The following PLEKHM2 variants were observed in gnomAD, a reference collection of about 807,000 sequenced individuals.
The protein encoded by PLEKHM2 is pleckstrin homology domain-containing family M member 2.
Under a neutral mutation model 116.3 loss-of-function variants are expected in PLEKHM2, and 77 were observed. That is an observed-to-expected ratio of 0.66 (90% CI 0.55 to 0.80). The LOEUF (loss-of-function observed/expected upper bound fraction) is 0.80. PLEKHM2 is among the 30% of genes least tolerant of loss of function. The probability of loss-of-function intolerance (pLI) is 0.00; values close to 1 mark genes in which losing one functional copy is unlikely to be tolerated. For synonymous variants in PLEKHM2, 562 were observed against 571.0 expected, an observed-to-expected ratio of 0.98 and a Z score of 0.22; for missense variants, 1,183 against 1,354.9, an observed-to-expected ratio of 0.87 and a Z score of 1.99.
Position 15,725,302 on chromosome 1 carries a change from T to C in PLEKHM2, c.713-15T>C, listed in dbSNP as rs774190020. Reference sequence around the variant, plus strand: ...GGTGCCTGACAGGGTGTCTCCTGCTTCCTTGTCCTCCCAGATGGAGACCTC... The same window carrying C: ...GGTGCCTGACAGGGTGTCTCCTGCTCCCTTGTCCTCCCAGATGGAGACCTC... On this transcript the variant is annotated splice_polypyrimidine_tract_variant and intron_variant, in intron 7 of 19. Transcript: ENST00000375799. 19 of 1,540,804 alleles carry C rather than the reference T, an allele frequency of 1.2e-5. 1 individual carries two copies. The South Asian group carries it at 1.9e-4, about 15-fold the overall frequency.
intron 1 of PLEKHM2, among the ~76,000 whole-genome samples, chr1:15,689,399 G>A (rs1450466780): frequency 6.6e-6 from 1 of 152,146 alleles, no homozygotes; most frequent in African/African-American, 2.4e-5. Flanking sequence ...GTCTTAAGAG[G>A]GACCTGTCTT....
Position 15,719,703 on chromosome 1 carries a change from A to C in PLEKHM2, c.466-31A>C. On this transcript the variant is annotated intron_variant, in intron 5 of 19. Transcript: ENST00000375799. The surrounding 1 kb of genome is among the most constrained non-coding windows in gnomAD (Gnocchi z 4.1). Reference sequence around the variant, plus strand: ...AGAAGGCCGCTGCACGAGGCCTCCCACCAAACGGGCCTCCTCTACTCTCTC... The same window carrying C: ...AGAAGGCCGCTGCACGAGGCCTCCCCCCAAACGGGCCTCCTCTACTCTCTC... 6.4e-7 allele frequency: 1 copy of C among 1,560,050 alleles called. No homozygotes were observed. Among genetic ancestry groups the C allele is most frequent in the South Asian group, 1.1e-5 (1 of 87,804 alleles).
rs368725345 is a variant in PLEKHM2, at chr1:15,731,216, G to A, written c.2424G>A (p.Pro808=). Residue 808 remains proline (P), a synonymous_variant, in exon 16 of 20, where the codon CCG becomes CCA. Coordinates refer to ENST00000375799, the MANE Select transcript of PLEKHM2 (RefSeq NM_015164.4). ...VLSNGILYQY[P]DRTDVIPLLS... is the part of the protein sequence containing the mutation. ...GCAACGGGATCCTCTACCAGTACCC[G>A]GACCGCACCGACGTCATCCCTCTGC... 4.4e-5 allele frequency: 71 copies of A among 1,598,932 alleles called. No homozygotes were observed. Among genetic ancestry groups the A allele is most frequent in the Middle Eastern group, 1.7e-4 (1 of 6,046 alleles).
At chr1:15,731,728 C>T (rs1401531580) in intron 16 of PLEKHM2, among the ~76,000 whole-genome samples, 161 bp from the exon 17 acceptor site, 2 of 152,118 alleles carry the variant, frequency 1.3e-5, no homozygotes. Flanking sequence ...TCCCAGACCT[C>T]TCCTGGGAGC....
At chr1:15,704,806 T>G (rs927940953) in intron 1 of PLEKHM2, among the ~76,000 whole-genome samples, 1 of 152,188 alleles carries the variant, frequency 6.6e-6, no homozygotes, top group Non-Finnish European at 1.5e-5. Flanking sequence ...CTTGGGAAAC[T>G]TTCCTCACTG....
In PLEKHM2 at chr1:15,721,017, G is replaced by A. The variant is rs2067990444; in HGVS notation, c.653-312G>A. On this transcript the variant is annotated intron_variant, in intron 6 of 19. Coordinates refer to ENST00000375799, the MANE Select transcript of PLEKHM2 (RefSeq NM_015164.4). This position sits in a 1 kb window ranked among gnomAD's most constrained non-coding sequence, Gnocchi z 5.1. ...CTGCTAGGGTATGGAGGGAAGGCAC[G>A]TAAGAGGTAGAAAACAAAGCTAGGC... The A allele has an allele frequency of 3.3e-6, 1 of 300,490 alleles. No homozygotes were observed. The allele number at this position is 300,490 out of a possible 1,614,324, so 18.6% of individuals were successfully genotyped here.
At chr1:15,683,077 G>A (rs1411985696), upstream of PLEKHM2, 1 of 152,376 alleles carries the variant, frequency 6.6e-6, no homozygotes, top group African/African-American at 2.4e-5. Flanking sequence ...AGGATAAGGA[G>A]TGGGAATGGG....
chr1:15,721,278 C>T lies in PLEKHM2; in HGVS notation c.653-51C>T. On this transcript the variant is annotated intron_variant, in intron 6 of 19. Coordinates refer to ENST00000375799, the MANE Select transcript of PLEKHM2 (RefSeq NM_015164.4). This position sits in a 1 kb window ranked among gnomAD's most constrained non-coding sequence, Gnocchi z 5.1. Reference sequence around the variant, plus strand: ...TTTCCCCTCCCCTCCCTCCAGTCATCCTTCCACTGCCTGTGTTTCTAATCT... The same window carrying T: ...TTTCCCCTCCCCTCCCTCCAGTCATTCTTCCACTGCCTGTGTTTCTAATCT... 1 of 830,470 alleles carries T rather than the reference C, an allele frequency of 1.2e-6. No individual in the cohort carries two copies. Among genetic ancestry groups the T allele is most frequent in the Non-Finnish European group, 1.9e-6 (1 of 523,084 alleles). 51.4% of individuals were successfully genotyped at this position (830,470 alleles called of 1,614,324 possible). A position where few individuals can be genotyped will look rare whatever the true frequency, so the allele number is the denominator to read the frequency against.
At position 15,730,784 on chromosome 1, in the gene PLEKHM2, C is replaced by G. The variant is rs186028228; in HGVS notation, c.2399+62C>G. ...CCCTGGGGTGGCTGGGCTGTCAGGT[C>G]CCCAGCGGGGATCTCTCCGCAGCAG... On this transcript the variant is annotated intron_variant, in intron 15 of 19. Transcript: ENST00000375799. The G allele has an allele frequency of 5.9e-6, 8 of 1,364,558 alleles. No homozygotes were observed. In the Admixed American group the frequency reaches 1.3e-4, roughly 22 times the overall value. 84.5% of individuals were successfully genotyped at this position (1,364,558 alleles called of 1,614,324 possible).
At chr1:15,715,782 A>G (rs34385739) in intron 1 of PLEKHM2, among the ~76,000 whole-genome samples, 33,730 of 152,200 alleles carry the variant, frequency 0.22, 4,268 homozygotes, top group African/African-American at 0.33. Flanking sequence ...AAACAATAAC[A>G]TAAGCAAAGT....
chr1:15,692,247 A>G (rs535604483), intron 1 of PLEKHM2, among the ~76,000 whole-genome samples: 77 of 152,368 alleles, frequency 5.1e-4, no homozygotes, highest in African/African-American at 1.8e-3. Context: ...AGAAAAACTC[A>G]TAAGAGTTTT....
chr1:15,721,334 G>A lies in PLEKHM2; in HGVS notation c.658G>A (p.Asp220Asn), dbSNP rs375501738. ...TTTGTCCCTCGTTTTTGTAGATTATGATTTTGGAGATGTGTTTCCAGCAGT... is the reference window on the plus strand; with the variant it reads ...TTTGTCCCTCGTTTTTGTAGATTATAATTTTGGAGATGTGTTTCCAGCAGT... ...SAIAPSSEDY[D>N]FGDVFPAVPS... The change falls in exon 7 of 20, where the codon GAT becomes AAT. Residue 220 changes from aspartate (D) to asparagine (N), a missense_variant. By Grantham distance (23) the Asp-to-Asn change is conservative (BLOSUM62 1). Around this residue, in one of 3 missense-constraint regions of PLEKHM2, gnomAD observed 372 missense variants for 357.2 expected, o/e 1.04. Transcript: ENST00000375799. This position sits in a 1 kb window ranked among gnomAD's most constrained non-coding sequence, Gnocchi z 5.1. 3.2e-5 allele frequency: 49 copies of A among 1,538,006 alleles called. No homozygotes were observed. The African/African-American group carries it at 6.5e-4, about 20-fold the overall frequency.
At chr1:15,711,778 C>T (rs891340532) in intron 1 of PLEKHM2, among the ~76,000 whole-genome samples, 6 of 151,900 alleles carry the variant, frequency 3.9e-5, no homozygotes, top group South Asian at 2.1e-4. Context: ...CAATTGATAA[C>T]GGGGGGGAAA....
chr1:15,715,906 AGTT>A (rs1641434463), intron 1 of PLEKHM2, among the ~76,000 whole-genome samples: 1 of 152,236 alleles, frequency 6.6e-6, no homozygotes, highest in African/African-American at 2.4e-5. Flanking sequence ...GTGCCCCTGA[AGTT>A]GTGCCATGCT....
At position 15,730,706 on chromosome 1, in the gene PLEKHM2, T is replaced by C. The variant is rs1176146106; in HGVS notation, c.2383T>C (p.Cys795Arg). The C allele has an allele frequency of 3.8e-6, 6 of 1,599,964 alleles. No homozygotes were observed. Among genetic ancestry groups the C allele is most frequent in the Non-Finnish European group, 5.1e-6 (6 of 1,173,710 alleles). Residue 795 changes from cysteine (C) to arginine (R), a missense_variant, in exon 15 of 20, where the codon TGC (cysteine) becomes CGC (arginine). Around this residue, in one of 3 missense-constraint regions of PLEKHM2, gnomAD observed 594 missense variants for 720.1 expected, o/e 0.82. Transcript: ENST00000375799. ...SYLGKEHWKT[C>R]FVVLSNGILY... ...CCTGGGCAAGGAACACTGGAAGACG[T>C]GCTTCGTGGTGCTCAGGTGGGAGCC...
rs1325032154 is a variant in PLEKHM2 at position 15,719,139 on chromosome 1, GC to G, written c.465+518del. On this transcript the variant is annotated intron_variant, in intron 5 of 19. Transcript: ENST00000375799. This position sits in a 1 kb window ranked among gnomAD's most constrained non-coding sequence, Gnocchi z 4.1. ...GACTGGGCTCAAAATGGATGCAGCT[GC>G]CCCGTCCTAATCAAATGACCTTCCT... is the stretch of plus-strand genomic sequence containing the variant. 1.3e-5 allele frequency among the ~76,000 whole-genome samples: 2 copies of G among 152,130 alleles called. No homozygotes were observed. Among genetic ancestry groups the G allele is most frequent in the Non-Finnish European group, 2.9e-5 (2 of 68,020 alleles).
At position 15,704,308 on chromosome 1, in the gene PLEKHM2, CCCTCCCTT is replaced by C. The variant is rs1185344228; in HGVS notation, c.61-11917_61-11910del. On this transcript the variant is annotated intron_variant, in intron 1 of 19. Coordinates refer to ENST00000375799, the MANE Select transcript of PLEKHM2 (RefSeq NM_015164.4). Reference sequence around the variant, plus strand: ...TCCTCCACTCCCTCCGTCCCTCCCTCCCTCCCTTCCTCCCTTCCTTTCTTCCTCTTCCT... The same window carrying C: ...TCCTCCACTCCCTCCGTCCCTCCCTCCCTCCCTTCCTTTCTTCCTCTTCCT... Among the ~76,000 whole-genome samples, 18 of 149,546 alleles carry C rather than the reference CCCTCCCTT, an allele frequency of 1.2e-4. No homozygotes were observed. The East Asian group carries it at 2.5e-3, about 20-fold the overall frequency.
Position 15,729,657 on chromosome 1 carries a change from C to T in PLEKHM2, c.2076-140C>T. 2.9e-6 allele frequency: 2 copies of T among 697,282 alleles called. No individual in the cohort carries two copies. Among genetic ancestry groups the T allele is most frequent in the South Asian group, 3.7e-5 (2 of 54,114 alleles). 43.2% of individuals were successfully genotyped at this position (697,282 alleles called of 1,614,324 possible). On this transcript the variant is annotated intron_variant, in intron 13 of 19. Coordinates refer to ENST00000375799, the MANE Select transcript of PLEKHM2 (RefSeq NM_015164.4). The surrounding 1 kb of genome is among the most constrained non-coding windows in gnomAD (Gnocchi z 4.7). Reference sequence around the variant, plus strand: ...TGGACCTGCGTCATTGCCGCACCTGCCGCCCTGGTCACTGGGTCTAGCCAG... The same window carrying T: ...TGGACCTGCGTCATTGCCGCACCTGTCGCCCTGGTCACTGGGTCTAGCCAG...
chr1:15,693,715 C>A (rs1640933879), intron 1 of PLEKHM2, among the ~76,000 whole-genome samples: 2 of 152,306 alleles, frequency 1.3e-5, no homozygotes, highest in South Asian at 4.1e-4. Flanking sequence ...AAAAGAAATT[C>A]CCAGCAAAAC....
Sources: allele counts gnomAD v4.1 joint callset (sites outside exome capture counted in the v4.1 genomes callset), GRCh38; gene constraint gnomAD v4.1.1; regional missense constraint gnomAD v4.1.1; non-coding constraint Gnocchi (gnomAD v3.1); transcripts MANE v1.5; gene names NCBI Gene and HGNC (gene_info 2026-07-23, HGNC 2026-07-21).